The following POMGNT1 variants were observed in gnomAD, a reference collection of about 807,000 sequenced individuals.
The protein encoded by POMGNT1 is protein O-linked mannose N-acetylglucosaminyltransferase 1 (beta 1,2-), also known as protein O-linked-mannose beta-1,2-N-acetylglucosaminyltransferase 1.
In POMGNT1, 67 loss-of-function variants were observed where a neutral mutation model predicts 95.6. That is an observed-to-expected ratio of 0.70 (90% CI 0.58 to 0.86). The LOEUF (loss-of-function observed/expected upper bound fraction) is 0.86, where lower values mean the gene tolerates loss of function less well. Ranked by LOEUF, POMGNT1 falls within the 40% of genes least tolerant of loss-of-function variation. The pLI is 0.00. For missense variants in POMGNT1, 719 were observed against 855.2 expected (o/e 0.84, Z 1.99); for synonymous variants, 298 against 317.9 (o/e 0.94, Z 0.66).
At chr1:46,195,085 C>A (rs751730035) in intron 6 of POMGNT1, 124 bp from the exon 7 acceptor site, 4 of 843,766 alleles carry the variant, frequency 4.7e-6, no homozygotes, top group Non-Finnish European at 8.1e-6. Context: ...CAATAACCCT[C>A]TATGGTTACT....
intron 9 of POMGNT1, 28 bp downstream of exon 9, chr1:46,194,246 A>G (rs1274526950): frequency 3.7e-6 from 6 of 1,614,146 alleles, no homozygotes; most frequent in Non-Finnish European, 5.1e-6. Flanking sequence ...AAGGAGTCCA[A>G]ACCTCACTGT....
Position 46,194,334 on chromosome 1 carries a change from C to T in POMGNT1, c.819G>A (p.Glu273=), listed in dbSNP as rs542080133. The T allele has an allele frequency of 6.2e-7, 1 of 1,614,226 alleles. No individual in the cohort carries two copies. Among genetic ancestry groups the T allele is most frequent in the African/African-American group, 1.3e-5 (1 of 75,062 alleles). Residue 273 remains glutamate (E), a synonymous_variant, in exon 9 of 22, where the codon GAG becomes GAA. Coordinates refer to ENST00000371984, the MANE Select transcript of POMGNT1 (RefSeq NM_017739.4). The stretch of plus-strand genomic sequence containing the variant: ...TGCAGCTGCATACACTTCCATAGCC[C>T]TCAACTTTGCTGCAGAAGCGCCGGC... ...RRRRRFCSKV[E]GYGSVCSCKD...
intron 1 of POMGNT1, among the ~76,000 whole-genome samples, chr1:46,205,449 T>G (rs1035919907): frequency 1.3e-5 from 2 of 152,202 alleles, no homozygotes; most frequent in Non-Finnish European, 2.9e-5. Context: ...TTGTGCCAGA[T>G]AGTCTGAACA....
intron 18 of POMGNT1, 25 bp downstream of exon 18, chr1:46,190,695 C>A: frequency 6.2e-7 from 1 of 1,600,404 alleles, no homozygotes; most frequent in Non-Finnish European, 8.6e-7. Flanking sequence ...AGATATCCAC[C>A]CCTTGCCCTG....
chr1:46,192,004 C>G, intron 17 of POMGNT1, 94 bp downstream of exon 17: 2 of 1,483,416 alleles, frequency 1.3e-6, no homozygotes, highest in Non-Finnish European at 1.9e-6. Flanking sequence ...GGTTACATGG[C>G]TAGCAAGTAG....
chr1:46,211,914 A>G (rs1658908949), intron 1 of POMGNT1, among the ~76,000 whole-genome samples: 2 of 152,048 alleles, frequency 1.3e-5, no homozygotes, highest in Non-Finnish European at 2.9e-5. Context: ...GGCGTGCGCC[A>G]CAACGCCTGG....
chr1:46,189,394 C>T (rs752854193), intron 21 of POMGNT1, 37 bp from the exon 22 acceptor site: 4 of 1,613,994 alleles, frequency 2.5e-6, no homozygotes, highest in Non-Finnish European at 3.4e-6. Context: ...GAGAAGAAGC[C>T]ATTAGCTATA....
chr1:46,193,586 ACTGTTATCAT>A lies in POMGNT1; in HGVS notation c.994_1003del (p.Met332PhefsTer19). 3 of 1,614,110 alleles carry A rather than the reference ACTGTTATCAT, an allele frequency of 1.9e-6. No homozygotes were observed. The highest frequency in any genetic ancestry group is 2.5e-6 in the Non-Finnish European group (3 of 1,180,016). On this transcript the variant is annotated frameshift_variant, in exon 11 of 22. Coordinates refer to ENST00000371984, the MANE Select transcript of POMGNT1 (RefSeq NM_017739.4). LOFTEE classifies it high-confidence loss of function. ...CACCTCATAGTAGCCGTCAATGAAA[ACTGTTATCAT>A]CTGAGGAGACACCCCCTGGGCTGAA...
upstream of POMGNT1, among the ~76,000 whole-genome samples, chr1:46,200,465 C>G (rs1044002034): frequency 6.6e-5 from 10 of 152,222 alleles, no homozygotes; most frequent in Admixed American, 2.0e-4. Flanking sequence ...TGCACCAGGC[C>G]AAACAGCTGG....
At position 46,196,140 on chromosome 1, in the gene POMGNT1, G is replaced by A. The variant is rs1032002226; in HGVS notation, c.355-63C>T. 29 of 1,611,322 alleles carry A rather than the reference G, an allele frequency of 1.8e-5. No homozygotes were observed. In the Middle Eastern group the frequency reaches 9.7e-4, roughly 54 times the overall value. On this transcript the variant is annotated intron_variant, in intron 4 of 21. Coordinates refer to ENST00000371984, the MANE Select transcript of POMGNT1 (RefSeq NM_017739.4). This position sits in a 1 kb window ranked among gnomAD's most constrained non-coding sequence, Gnocchi z 4.4. ...TGGCATTCAAGGTGTCTCTGTCTTA[G>A]GGGTACTTAAAACACCAGCTGCTTG...
chr1:46,193,607 A>G lies in POMGNT1; in HGVS notation c.983T>C (p.Val328Ala). 1 of 1,614,080 alleles carries G rather than the reference A, an allele frequency of 6.2e-7. No homozygotes were observed. Among genetic ancestry groups the G allele is most frequent in the Non-Finnish European group, 8.5e-7 (1 of 1,180,010 alleles). The change falls in exon 11 of 22, where the codon GTG becomes GCG. Residue 328 changes from valine (V) to alanine (A), a missense_variant. Val to Ala is a moderately conservative substitution (Grantham distance 64, BLOSUM62 0). Transcript: ENST00000371984. ...MLRSLLSAQG[V>A]SPQMITVFID... ...GAAAACTGTTATCATCTGAGGAGACACCCCCTGGGCTGAAAGCAGAGAGCG... is the reference window on the plus strand; with the variant it reads ...GAAAACTGTTATCATCTGAGGAGACGCCCCCTGGGCTGAAAGCAGAGAGCG...
intron 1 of POMGNT1, among the ~76,000 whole-genome samples, chr1:46,215,088 T>C (rs1206013754): frequency 6.6e-6 from 1 of 151,224 alleles, no homozygotes; most frequent in Non-Finnish European, 1.5e-5. Flanking sequence ...TAGCCGGGTG[T>C]GGTGGTGGGC....
At chr1:46,199,762 A>G (rs1658479791), upstream of POMGNT1, among the ~76,000 whole-genome samples, 1 of 152,222 alleles carries the variant, frequency 6.6e-6, no homozygotes, top group Non-Finnish European at 1.5e-5. Flanking sequence ...ATGGTGGGGT[A>G]ATATCCCCCA....
upstream of POMGNT1, among the ~76,000 whole-genome samples, chr1:46,201,697 C>CAAAAAAAA (rs59930051): frequency 1.2e-5 from 1 of 85,948 alleles, no homozygotes; most frequent in Non-Finnish European, 2.3e-5. Flanking sequence ...GACTCCATCT[C>CAAAAAAAA]AAAAAAAAAA....
upstream of POMGNT1, among the ~76,000 whole-genome samples, chr1:46,202,906 T>TGGA (rs1553164803): frequency 5.3e-4 from 4 of 7,572 alleles, 2 homozygotes; most frequent in Non-Finnish European, 7.6e-4. Flanking sequence ...TTCTAGCCCC[T>TGGA]GGGGGGGGGG....
In POMGNT1 at chr1:46,194,308, T is replaced by C; in HGVS notation, c.845A>G (p.Lys282Arg). 6.2e-7 allele frequency: 1 copy of C among 1,614,202 alleles called. No homozygotes were observed. The highest frequency in any genetic ancestry group is 2.2e-5 in the East Asian group (1 of 44,876). Residue 282 changes from lysine to arginine, a missense_variant, in exon 9 of 22, where the codon AAG (lysine) becomes AGG (arginine). Lys to Arg is a conservative substitution (Grantham distance 26). Transcript: ENST00000371984. ...GCTGAACTCGATGGGTGTGGGGTCC[T>C]TGCAGCTGCATACACTTCCATAGCC... ...VEGYGSVCSC[K>R]DPTPIEFSPD...
intron 5 of POMGNT1, 27 bp from the exon 6 acceptor site, chr1:46,195,951 T>C: frequency 6.2e-7 from 1 of 1,614,106 alleles, no homozygotes. Context: ...TTCTGGTGAG[T>C]TGGTGTCATC....
chr1:46,220,023 A>T, exon 1 of POMGNT1: 1 of 1,614,218 alleles, frequency 6.2e-7, no homozygotes, highest in Non-Finnish European at 8.5e-7. Context: ...GGCAAAAGTT[A>T]TAGCTGGTGG....
chr1:46,200,478 G>A (rs982802925), upstream of POMGNT1, among the ~76,000 whole-genome samples: 6 of 152,214 alleles, frequency 3.9e-5, no homozygotes, highest in African/African-American at 1.2e-4. Flanking sequence ...ACAGCTGGGA[G>A]TCACCCTTGA....
Sources: gnomAD v4.1 joint callset for allele counts (sites outside exome capture counted in the v4.1 genomes callset) on GRCh38, gnomAD v4.1.1 for gene constraint, Gnocchi (gnomAD v3.1) non-coding constraint, MANE v1.5 for transcripts, NCBI Gene and HGNC (gene_info 2026-07-23, HGNC 2026-07-21) for gene names.